IKBKB: variants seen among roughly 807,000 people sequenced by gnomAD.
IKBKB encodes the protein inhibitor of nuclear factor kappa B kinase subunit beta, also known as inhibitor of nuclear factor kappa-B kinase subunit beta.
In IKBKB, 42 loss-of-function variants were observed where a neutral mutation model predicts 113.6. The observed-to-expected ratio is 0.37, with a 90% CI of 0.29 to 0.48. The LOEUF (loss-of-function observed/expected upper bound fraction) is 0.48. Ranked by LOEUF, IKBKB falls within the 20% of genes least tolerant of loss-of-function variation. The probability of loss-of-function intolerance (pLI) is 0.99; values close to 1 mark genes in which losing one functional copy is unlikely to be tolerated. For missense variants in IKBKB, 673 were observed against 939.7 expected (o/e 0.72, Z 3.71); for synonymous variants, 296 against 361.3 (o/e 0.82, Z 2.05).
chr8:42,272,285 G>C (rs1251923612), intron 2 of IKBKB, 80 bp downstream of exon 2: 51 of 1,592,680 alleles, frequency 3.2e-5, no homozygotes, highest in Non-Finnish European at 4.4e-5. Context: ...GATCCTGCTG[G>C]GCCAAGGGCT....
intron 20 of IKBKB, among the ~76,000 whole-genome samples, chr8:42,328,325 G>A (rs1045218322): frequency 2.0e-5 from 3 of 150,666 alleles, no homozygotes; most frequent in Non-Finnish European, 4.4e-5. Flanking sequence ...TAGCTAGACC[G>A]GGAGCCTGTT....
Position 42,316,229 on chromosome 8 carries a change from G to A in IKBKB, c.820G>A (p.Glu274Lys), listed in dbSNP as rs200531993. 7.4e-6 allele frequency: 12 copies of A among 1,614,166 alleles called. No homozygotes were observed. The highest frequency in any genetic ancestry group is 1.7e-5 in the Admixed American group (1 of 60,028). Reference sequence around the variant, plus strand: ...CCACAGTGTCCTGGCTGAGCGACTGGAGAAGTGGCTGCAACTGATGCTGAT... The same window carrying A: ...CCACAGTGTCCTGGCTGAGCGACTGAAGAAGTGGCTGCAACTGATGCTGAT... ...NLNSVLAERL[E>K]KWLQLMLMWH... The change falls in exon 10 of 22, where the codon GAG becomes AAG. Residue 274 changes from glutamate to lysine, a missense_variant. Glu to Lys is a moderately conservative substitution (Grantham distance 56). Coordinates refer to ENST00000520810, the MANE Select transcript of IKBKB (RefSeq NM_001556.3). The surrounding 1 kb of genome is among the most constrained non-coding windows in gnomAD (Gnocchi z 4.5).
intron 4 of IKBKB, among the ~76,000 whole-genome samples, chr8:42,291,629 T>C (rs578203951): frequency 2.2e-4 from 34 of 152,246 alleles, no homozygotes; most frequent in African/African-American, 7.2e-4. Context: ...GGTGCTGTTC[T>C]CACTGTTCCT....
rs202104917 is a variant in IKBKB at position 42,320,855 on chromosome 8, G to T, written c.1688+11G>T. On this transcript the variant is annotated intron_variant, in intron 16 of 21. Coordinates refer to ENST00000520810, the MANE Select transcript of IKBKB (RefSeq NM_001556.3). ...AACGCTGGACGACCTGTGAGTACTG[G>T]CTGGGGGGCCCCTCTGTGCCCAGCA... 195 of 1,555,696 alleles carry T rather than the reference G, an allele frequency of 1.3e-4. 1 individual carries two copies. The highest frequency in any genetic ancestry group is 1.6e-4 in the Non-Finnish European group (178 of 1,146,646).
At chr8:42,323,611 A>T (rs1424698908) in intron 19 of IKBKB, among the ~76,000 whole-genome samples, 2 of 152,124 alleles carry the variant, frequency 1.3e-5, no homozygotes, top group Non-Finnish European at 2.9e-5. Context: ...GAAGCAGGAG[A>T]TGGTGCATTA....
chr8:42,318,203 G>A (rs1360927485), intron 12 of IKBKB, among the ~76,000 whole-genome samples: 1 of 151,924 alleles, frequency 6.6e-6, no homozygotes, highest in Non-Finnish European at 1.5e-5. Flanking sequence ...CAAGGCTGCA[G>A]TGAGTCATGA....
At chr8:42,276,214 T>C (rs929196320) in intron 2 of IKBKB, among the ~76,000 whole-genome samples, 2 of 152,324 alleles carry the variant, frequency 1.3e-5, no homozygotes, top group East Asian at 3.9e-4. Flanking sequence ...CCACCAATAG[T>C]GTATAGAGTT....
rs3817717 is a variant in IKBKB, at chr8:42,306,151, G to A, written c.478-192G>A. Among the ~76,000 whole-genome samples the A allele has an allele frequency of 0.21, 32,259 of 152,092 alleles. 7,956 individuals carry two copies. The highest frequency in any genetic ancestry group is 0.6 in the African/African-American group (24,839 of 41,420). On this transcript the variant is annotated intron_variant, in intron 6 of 21. Coordinates refer to ENST00000520810, the MANE Select transcript of IKBKB (RefSeq NM_001556.3). Reference sequence around the variant, plus strand: ...CACGTGCCTAGCATTTTTACAATATGCCTTTTCTTTTAGCCCTGAATCTAC... The same window carrying A: ...CACGTGCCTAGCATTTTTACAATATACCTTTTCTTTTAGCCCTGAATCTAC...
intron 9 of IKBKB, among the ~76,000 whole-genome samples, chr8:42,315,682 C>T (rs928740625): frequency 1.8e-5 from 1 of 55,388 alleles, no homozygotes; most frequent in Admixed American, 3.1e-4. Context: ...CTTTTTAAGA[C>T]AGAGTCTCCC....
intron 15 of IKBKB, chr8:42,320,019 A>G (rs898394067): frequency 2.0e-5 from 4 of 197,170 alleles, no homozygotes; most frequent in Non-Finnish European, 4.1e-5. Flanking sequence ...TCCATAGGAA[A>G]TAAAAGGTCT....
At chr8:42,271,549 C>T (rs1335266268) in intron 1 of IKBKB, 80 bp downstream of exon 1, 2 of 577,410 alleles carry the variant, frequency 3.5e-6, no homozygotes, top group South Asian at 2.1e-5. Flanking sequence ...CGGAAGACCC[C>T]TCTGTGCCGC....
chr8:42,272,364 G>A (rs935255828), intron 2 of IKBKB, 159 bp downstream of exon 2: 7 of 873,804 alleles, frequency 8.0e-6, no homozygotes, highest in African/African-American at 6.7e-5. Context: ...GGACTTCTGA[G>A]CTGACTCCAG....
At chr8:42,301,105 C>A (rs1351217594) in intron 5 of IKBKB, among the ~76,000 whole-genome samples, 1 of 152,062 alleles carries the variant, frequency 6.6e-6, no homozygotes, top group African/African-American at 2.4e-5. Flanking sequence ...GATCCTCCTC[C>A]CTCGGCCTCC....
chr8:42,291,813 T>G (rs1812703283), intron 4 of IKBKB, among the ~76,000 whole-genome samples: 1 of 152,112 alleles, frequency 6.6e-6, no homozygotes, highest in Non-Finnish European at 1.5e-5. Context: ...GCGCTTGTGG[T>G]CCCTACTACT....
intron 8 of IKBKB, 83 bp downstream of exon 8, chr8:42,309,108 A>C: frequency 7.0e-7 from 1 of 1,422,430 alleles, no homozygotes; most frequent in Non-Finnish European, 9.6e-7. Flanking sequence ...CTGGCGCCCC[A>C]TCACCGGGCC....
At chr8:42,272,396 T>C in intron 2 of IKBKB, 191 bp downstream of exon 2, 1 of 656,914 alleles carries the variant, frequency 1.5e-6, no homozygotes. Flanking sequence ...CCATGCTTTA[T>C]TGACTATGTC....
At position 42,325,777 on chromosome 8, in the gene IKBKB, T is replaced by C. The variant is rs1200898178; in HGVS notation, c.1987-193T>C. ...AGAATCCTTTCCTCAAAAGTCTCCG[T>C]TGATACAGAAACACTTTTGAAGCCA... is the stretch of plus-strand genomic sequence containing the variant. On this transcript the variant is annotated intron_variant, in intron 19 of 21. Transcript: ENST00000520810. 8.5e-6 allele frequency: 12 copies of C among 1,418,696 alleles called. No homozygotes were observed. In the East Asian group the frequency reaches 2.6e-4, roughly 31 times the overall value. The allele number at this position is 1,418,696 out of a possible 1,614,324, so 87.9% of individuals were successfully genotyped here.
At chr8:42,325,023 A>C (rs1820475269) in intron 19 of IKBKB, 1 of 154,088 alleles carries the variant, frequency 6.5e-6, no homozygotes, top group Non-Finnish European at 1.4e-5. Context: ...GGATGGTTCC[A>C]CGGCCTGAGG....
chr8:42,317,059 C>A, intron 11 of IKBKB, 155 bp downstream of exon 11: 6 of 734,866 alleles, frequency 8.2e-6, no homozygotes, highest in Non-Finnish European at 1.4e-5. Context: ...GTATGGTGTC[C>A]TCTGTGTGGC....
Sources: gnomAD v4.1 joint callset for allele counts (sites outside exome capture counted in the v4.1 genomes callset) on GRCh38, gnomAD v4.1.1 for gene constraint, Gnocchi (gnomAD v3.1) non-coding constraint, MANE v1.5 for transcripts, NCBI Gene and HGNC (gene_info 2026-07-23, HGNC 2026-07-21) for gene names.